The following NUP210 variants were observed in gnomAD, a reference collection of about 807,000 sequenced individuals.
NUP210 encodes the protein nuclear pore membrane glycoprotein 210.
Under a neutral mutation model 196.0 loss-of-function variants are expected in NUP210, and 151 were observed. The observed-to-expected ratio is 0.77, with a 90% CI of 0.67 to 0.88. The LOEUF is 0.88. NUP210 is among the 40% of genes least tolerant of loss of function. The pLI is 0.00. For synonymous variants in NUP210, 1,070 were observed against 1,052.7 expected, an observed-to-expected ratio of 1.02 and a Z score of -0.32; for missense variants, 2,314 against 2,493.7, an observed-to-expected ratio of 0.93 and a Z score of 1.53.
chr3:13,330,101 C>T (rs2124842096), intron 30 of NUP210, among the ~76,000 whole-genome samples: 1 of 152,376 alleles, frequency 6.6e-6, no homozygotes, highest in Non-Finnish European at 1.5e-5. Context: ...ACAGGAGCTC[C>T]ACCATGGGTG....
chr3:13,349,129 A>G (rs6806012), intron 20 of NUP210, among the ~76,000 whole-genome samples: 94,309 of 151,436 alleles, frequency 0.62, 30,814 homozygotes, highest in African/African-American at 0.84. Flanking sequence ...ATGAAGAAGC[A>G]TTTATTGGAG....
rs1023640962 is a variant in NUP210 at position 13,397,396 on chromosome 3, A to C, written c.397T>G (p.Ser133Ala). Residue 133 changes from serine (S) to alanine (A), a missense_variant, in exon 3 of 40, where the codon TCC (serine) becomes GCC (alanine). Transcript: ENST00000254508. Reference protein sequence around the residue: ...STTRELYLEDSPLELKIQALD... With the variant: ...STTRELYLEDAPLELKIQALD... The stretch of plus-strand genomic sequence containing the variant: ...GCCTGGATCTTCAGCTCCAGGGGGG[A>C]GTCCTCCAGGTAGAGCTCGCGGGTG... 3 of 1,611,086 alleles carry C rather than the reference A, an allele frequency of 1.9e-6. No homozygotes were observed. The highest frequency in any genetic ancestry group is 2.5e-6 in the Non-Finnish European group (3 of 1,179,000).
intron 13 of NUP210, among the ~76,000 whole-genome samples, chr3:13,370,824 C>T (rs1230294185): frequency 6.6e-6 from 1 of 152,264 alleles, no homozygotes; most frequent in African/African-American, 2.4e-5. Flanking sequence ...ATCCTACAAA[C>T]ACCTCTGCCA....
intron 28 of NUP210, among the ~76,000 whole-genome samples, chr3:13,333,722 G>A (rs1014317172): frequency 3.9e-5 from 6 of 152,122 alleles, no homozygotes; most frequent in Admixed American, 2.6e-4. Context: ...GCATCCACAC[G>A]GAAGCCACCT....
At chr3:13,401,711 G>A (rs1445645046) in intron 1 of NUP210, among the ~76,000 whole-genome samples, 1 of 152,120 alleles carries the variant, frequency 6.6e-6, no homozygotes, top group Non-Finnish European at 1.5e-5. Context: ...TTTTCGAGGG[G>A]CTTTAAACTT....
Position 13,340,970 on chromosome 3 carries a change from G to A in NUP210, c.3229-672C>T, listed in dbSNP as rs1188632803. On this transcript the variant is annotated intron_variant, in intron 23 of 39. Coordinates refer to ENST00000254508, the MANE Select transcript of NUP210 (RefSeq NM_024923.4). This position sits in a 1 kb window ranked among gnomAD's most constrained non-coding sequence, Gnocchi z 4.0. Reference sequence around the variant, plus strand: ...GGTCTCTGTAGCTGTGCTATTGATGGGCAGAAACAAATTTCTCATCACCAG... The same window carrying A: ...GGTCTCTGTAGCTGTGCTATTGATGAGCAGAAACAAATTTCTCATCACCAG... The A allele has an allele frequency of 6.6e-6, 1 of 152,132 alleles. No individual in the cohort carries two copies. Among genetic ancestry groups the A allele is most frequent in the Admixed American group, 6.5e-5 (1 of 15,268 alleles). 9.4% of individuals were successfully genotyped at this position (152,132 alleles called of 1,614,324 possible).
rs139837892 is a variant in NUP210, at chr3:13,339,878, G to A, written c.3447C>T (p.Thr1149=). 290 of 1,613,716 alleles carry A rather than the reference G, an allele frequency of 1.8e-4. No homozygotes were observed. The highest frequency in any genetic ancestry group is 2.1e-4 in the Non-Finnish European group (253 of 1,179,988). The change falls in exon 25 of 40, where the codon ACC becomes ACT. Residue 1149 remains threonine, a synonymous_variant. Transcript: ENST00000254508. ...CCTGAGAGATGATGACCACCTTGCC[G>A]GTCTCTGCATCCACTGCCTGCACGA... ...SGLVQAVDAE[T]GKVVIISQDL... is the part of the protein sequence containing the mutation.
chr3:13,401,259 C>CAAAAAAGAAAAAAAAA lies in NUP210; in HGVS notation c.168-1399_168-1398insTTTTTTTTTCTTTTTT, dbSNP rs1699828574. Among the ~76,000 whole-genome samples, 56 of 43,832 alleles carry CAAAAAAGAAAAAAAAA rather than the reference C, an allele frequency of 1.3e-3. 4 individuals carry two copies. Among genetic ancestry groups the CAAAAAAGAAAAAAAAA allele is most frequent in the Non-Finnish European group, 1.9e-3 (48 of 24,778 alleles). The allele number at this position is 43,832 out of a possible 152,430, so 28.8% of individuals were successfully genotyped here. ...TGGGCAACAGAGTGAGACTCTGGCT[C>CAAAAAAGAAAAAAAAA]AAAAAAAAAAAAAAAAAAAAAGGCA... On this transcript the variant is annotated intron_variant, in intron 1 of 39. Coordinates refer to ENST00000254508, the MANE Select transcript of NUP210 (RefSeq NM_024923.4).
chr3:13,374,012 GCACA>G (rs1365586835), intron 11 of NUP210, 139 bp from the exon 12 acceptor site: 18 of 980,616 alleles, frequency 1.8e-5, no homozygotes, highest in Middle Eastern at 3.1e-4. Context: ...GTTCACCCAT[GCACA>G]CACTCACCAT....
intron 20 of NUP210, chr3:13,345,072 G>C: frequency 1.0e-6 from 1 of 985,462 alleles, no homozygotes; most frequent in African/African-American, 1.7e-5. Context: ...ACTCAGCCCA[G>C]CATCTGGTAC....
At chr3:13,332,269 G>A (rs765177551) in intron 29 of NUP210, 24 bp downstream of exon 29, 1 of 1,594,594 alleles carries the variant, frequency 6.3e-7, no homozygotes, top group Non-Finnish European at 8.6e-7. Flanking sequence ...CAACTTTGCT[G>A]GAAACAAGAG....
rs997020858 is a variant in NUP210, at chr3:13,343,432, C to A, written c.2836-129G>T. The A allele has an allele frequency of 1.7e-5, 20 of 1,177,280 alleles. No individual in the cohort carries two copies. In the African/African-American group the frequency reaches 2.9e-4, roughly 17 times the overall value. The allele number at this position is 1,177,280 out of a possible 1,614,324, so 72.9% of individuals were successfully genotyped here. A position where few individuals can be genotyped will look rare whatever the true frequency, so the allele number is the denominator to read the frequency against. ...CTATCACCTCATGGGATGCCAGTGG[C>A]AGAGCCCGCCAGGCCAGCACTGGGA... On this transcript the variant is annotated intron_variant, in intron 20 of 39. Coordinates refer to ENST00000254508, the MANE Select transcript of NUP210 (RefSeq NM_024923.4).
intron 1 of NUP210, among the ~76,000 whole-genome samples, chr3:13,404,671 C>T (rs1699946769): frequency 6.6e-6 from 1 of 152,180 alleles, no homozygotes; most frequent in Admixed American, 6.5e-5. Flanking sequence ...ATACTTTCTG[C>T]TATCAGGGCC....
chr3:13,402,937 C>T (rs1202513177), intron 1 of NUP210, among the ~76,000 whole-genome samples: 3 of 146,736 alleles, frequency 2.0e-5, no homozygotes, highest in Non-Finnish European at 4.6e-5. Flanking sequence ...CATGAGGGTG[C>T]ACAGTCGGCA....
chr3:13,408,273 A>T (rs1199796771), intron 1 of NUP210, among the ~76,000 whole-genome samples: 1 of 152,144 alleles, frequency 6.6e-6, no homozygotes, highest in Admixed American at 6.5e-5. Flanking sequence ...TTGATTAGCT[A>T]GTATTTTAAA....
intron 14 of NUP210, among the ~76,000 whole-genome samples, chr3:13,362,055 T>C (rs989800204): frequency 6.6e-6 from 1 of 152,194 alleles, no homozygotes. Context: ...CTGGTGCTCC[T>C]CACCCTGAAG....
intron 35 of NUP210, among the ~76,000 whole-genome samples, 172 bp downstream of exon 35, chr3:13,322,021 G>A (rs1248929333): frequency 6.6e-6 from 1 of 152,208 alleles, no homozygotes; most frequent in Non-Finnish European, 1.5e-5. Context: ...GATACCCTCT[G>A]TGACCAGCAG....
Position 13,337,897 on chromosome 3 carries a change from C to A in NUP210, c.3492G>T (p.Val1164=), listed in dbSNP as rs948263884. ...GGATCCTCACGGCCCTTAGCAGCAG[C>A]ACCTCCACCTGCACGAGGTCCTGGG... ...IISQDLVQVE[V]LLLRAVRIRA... is the part of the protein sequence containing the mutation. The change falls in exon 26 of 40, where the codon GTG becomes GTT. Residue 1164 remains valine (V), a synonymous_variant. Coordinates refer to ENST00000254508, the MANE Select transcript of NUP210 (RefSeq NM_024923.4). 1 of 1,613,054 alleles carries A rather than the reference C, an allele frequency of 6.2e-7. No individual in the cohort carries two copies. Among genetic ancestry groups the A allele is most frequent in the East Asian group, 2.2e-5 (1 of 44,874 alleles).
intron 6 of NUP210, 145 bp downstream of exon 6, chr3:13,386,130 G>C (rs1201131433): frequency 2.5e-6 from 2 of 814,416 alleles, no homozygotes; most frequent in East Asian, 2.7e-5. Context: ...GATGGTGATG[G>C]CTGCAGAAGA....
Sources: gnomAD v4.1 joint callset for allele counts (sites outside exome capture counted in the v4.1 genomes callset) on GRCh38, gnomAD v4.1.1 for gene constraint, Gnocchi (gnomAD v3.1) non-coding constraint, MANE v1.5 for transcripts, NCBI Gene and HGNC (gene_info 2026-07-23, HGNC 2026-07-21) for gene names.